The following NUMA1 variants were observed in gnomAD, a reference collection of about 807,000 sequenced individuals.
The protein encoded by NUMA1 is nuclear mitotic apparatus protein 1.
Under a neutral mutation model 237.1 loss-of-function variants are expected in NUMA1, and 62 were observed. The ratio of observed to expected loss-of-function variants is 0.26; its 90% CI spans 0.21 to 0.32. NUMA1 has a LOEUF of 0.32. Among genes scored for constraint, NUMA1 ranks in the 10% least tolerant of loss-of-function variants. NUMA1 has a pLI of 1.00. For synonymous variants in NUMA1, 1,028 were observed against 1,066.1 expected, an observed-to-expected ratio of 0.96 and a Z score of 0.70; for missense variants, 2,533 against 2,666.5, an observed-to-expected ratio of 0.95 and a Z score of 1.10.
rs187942922 is a variant in NUMA1, at chr11:72,013,497, A to G, written c.4006T>C (p.Phe1336Leu). 1 of 1,613,132 alleles carries G rather than the reference A, an allele frequency of 6.2e-7. No individual in the cohort carries two copies. ...GAGAGGGCCTGCTCTTTCTGGAAGAACTTCTCCTGCCACGCCTTCAATTCT... is the reference window on the plus strand; with the variant it reads ...GAGAGGGCCTGCTCTTTCTGGAAGAGCTTCTCCTGCCACGCCTTCAATTCT... ...GQELKAWQEK[F>L]FQKEQALSTL... Residue 1336 changes from phenylalanine (F) to leucine (L), a missense_variant, in exon 15 of 27, where the codon TTC (phenylalanine) becomes CTC (leucine). Physicochemically the swap from Phe to Leu is conservative, Grantham distance 22 (BLOSUM62 0). Coordinates refer to ENST00000393695, the MANE Select transcript of NUMA1 (RefSeq NM_006185.4). This position sits in a 1 kb window ranked among gnomAD's most constrained non-coding sequence, Gnocchi z 6.8.
chr11:72,021,103 G>T (rs1026456017), intron 8 of NUMA1, 101 bp downstream of exon 8: 1 of 927,272 alleles, frequency 1.1e-6, no homozygotes. Context: ...TCTGCCTTGT[G>T]TTGGGGACAG....
In NUMA1 at chr11:72,007,298, G is replaced by A; in HGVS notation, c.5354C>T (p.Pro1785Leu). ...FTPIPARSQA[P>L]LESSLDSLGD... is the part of the protein sequence containing the mutation. Reference sequence around the variant, plus strand: ...CAGGGAGTCCAGGCTGCTCTCCAGGGGGGCCTGACTCCGAGCAGGGATGGG... The same window carrying A: ...CAGGGAGTCCAGGCTGCTCTCCAGGAGGGCCTGACTCCGAGCAGGGATGGG... Residue 1785 changes from proline (P) to leucine (L), a missense_variant, in exon 21 of 27, where the codon CCC becomes CTC. By Grantham distance (98) the Pro-to-Leu change is moderately conservative. Around this residue, in one of 3 missense-constraint regions of NUMA1, gnomAD observed 795 missense variants for 750.8 expected, o/e 1.06. Coordinates refer to ENST00000393695, the MANE Select transcript of NUMA1 (RefSeq NM_006185.4). 1 of 1,613,390 alleles carries A rather than the reference G, an allele frequency of 6.2e-7. No homozygotes were observed. The highest frequency in any genetic ancestry group is 8.5e-7 in the Non-Finnish European group (1 of 1,179,776).
chr11:72,007,217 G>A lies in NUMA1; in HGVS notation c.5435C>T (p.Thr1812Met), dbSNP rs756247990. 12 of 1,611,432 alleles carry A rather than the reference G, an allele frequency of 7.4e-6. No homozygotes were observed. The highest frequency in any genetic ancestry group is 3.3e-5 in the Admixed American group (2 of 59,994). The change falls in exon 21 of 27, where the codon ACG becomes ATG. Residue 1812 changes from threonine to methionine, a missense_variant. By Grantham distance (81) the Thr-to-Met change is moderately conservative (BLOSUM62 -1). Coordinates refer to ENST00000393695, the MANE Select transcript of NUMA1 (RefSeq NM_006185.4). ...RKTRSARRRTTQIINITMTKK... is the reference protein window; with the variant it reads ...RKTRSARRRTMQIINITMTKK... The stretch of plus-strand genomic sequence containing the variant: ...GGTCATGGTGATGTTGATGATCTGC[G>A]TGGTGCGCCGACGAGCGGAGCGGGT...
chr11:72,040,273 A>T (rs1941506043), intron 2 of NUMA1, among the ~76,000 whole-genome samples: 1 of 152,088 alleles, frequency 6.6e-6, no homozygotes, highest in African/African-American at 2.4e-5. Context: ...CAAGGGAGGG[A>T]TTACAGAGGA....
Position 72,007,418 on chromosome 11 carries a change from T to G in NUMA1, c.5234A>C (p.Gln1745Pro), listed in dbSNP as rs776975644. 1 of 1,613,640 alleles carries G rather than the reference T, an allele frequency of 6.2e-7. No homozygotes were observed. Among genetic ancestry groups the G allele is most frequent in the South Asian group, 1.1e-5 (1 of 91,078 alleles). ...LSITSKLPRT[Q>P]PDGTSVPGEP... ...TCCAGGGACGCTGGTGCCGTCTGGC[T>G]GGGTACGAGGCAGCTTGCTATGGAA... Residue 1745 changes from glutamine to proline, a missense_variant, in exon 21 of 27, where the codon CAG (glutamine) becomes CCG (proline). Gln to Pro is a moderately conservative substitution (Grantham distance 76). Transcript: ENST00000393695.
At chr11:72,073,068 A>G (rs948397811) in intron 1 of NUMA1, among the ~76,000 whole-genome samples, 26 of 145,710 alleles carry the variant, frequency 1.8e-4, no homozygotes, top group African/African-American at 6.7e-4. Flanking sequence ...AAAAAAAAAA[A>G]GCTGCCTAGG....
chr11:72,070,820 C>T (rs1022269880), intron 1 of NUMA1, among the ~76,000 whole-genome samples: 10 of 152,158 alleles, frequency 6.6e-5, no homozygotes, highest in East Asian at 1.9e-4. Flanking sequence ...ATCTAGGAAA[C>T]GCTGCACCCC....
At chr11:72,059,535 C>T (rs1591062328) in intron 2 of NUMA1, among the ~76,000 whole-genome samples, 1 of 152,204 alleles carries the variant, frequency 6.6e-6, no homozygotes, top group Non-Finnish European at 1.5e-5. Context: ...TCCCAAAGTG[C>T]TGGGATTACA....
chr11:72,077,533 A>G (rs1213826010), intron 1 of NUMA1, among the ~76,000 whole-genome samples: 2 of 152,196 alleles, frequency 1.3e-5, no homozygotes, highest in Admixed American at 6.5e-5. Context: ...ACTGAAAGTG[A>G]GCTGGGCACA....
chr11:72,014,530 G>A lies in NUMA1; in HGVS notation c.2973C>T (p.Ser991=). ...LERLRAALME[S]QGQQQEERGQ... ...CACGCTCCTCCTGCTGCTGCCCCTGGCTCTCCATCAGCGCGGCCCGCAGCC... is the reference window on the plus strand; with the variant it reads ...CACGCTCCTCCTGCTGCTGCCCCTGACTCTCCATCAGCGCGGCCCGCAGCC... The change falls in exon 15 of 27, where the codon AGC becomes AGT. Residue 991 remains serine (S), a synonymous_variant. Transcript: ENST00000393695. The surrounding 1 kb of genome is among the most constrained non-coding windows in gnomAD (Gnocchi z 4.6). 1.2e-6 allele frequency: 2 copies of A among 1,602,062 alleles called. No homozygotes were observed. Among genetic ancestry groups the A allele is most frequent in the South Asian group, 1.1e-5 (1 of 91,074 alleles).
intron 2 of NUMA1, among the ~76,000 whole-genome samples, chr11:72,043,727 C>A (rs1264297192): frequency 4.6e-5 from 7 of 152,082 alleles, no homozygotes; most frequent in Non-Finnish European, 8.8e-5. Context: ...TCATTGGCTA[C>A]AGTTTATAAT....
At position 72,017,781 on chromosome 11, in the gene NUMA1, T is replaced by C. The variant is rs371150785; in HGVS notation, c.1025A>G (p.Asn342Ser). 5.6e-5 allele frequency: 90 copies of C among 1,612,248 alleles called. No individual in the cohort carries two copies. In the African/African-American group the frequency reaches 6.3e-4, roughly 11 times the overall value. Residue 342 changes from asparagine (N) to serine (S), a missense_variant, in exon 13 of 27, where the codon AAT (asparagine) becomes AGT (serine). Around this residue, in one of 3 missense-constraint regions of NUMA1, gnomAD observed 1,414 missense variants for 1,508.1 expected, o/e 0.94. Transcript: ENST00000393695. ...SHLQQLQDAL[N>S]ELTEEHSKAT... ...CTTGCTGTGCTCCTCCGTCAGCTCA[T>C]TGAGGGCATCCTGTAGCTGCTGCAG...
Position 72,015,131 on chromosome 11 carries a change from T to A in NUMA1, c.2372A>T (p.Glu791Val). The A allele has an allele frequency of 6.2e-7, 1 of 1,613,476 alleles. No individual in the cohort carries two copies. The highest frequency in any genetic ancestry group is 8.5e-7 in the Non-Finnish European group (1 of 1,180,034). ...AGCTGTGTGCTGGGCAGCCATGGCCTCTGCCAGCTCCCGCCGCAGGACTTC... is the reference window on the plus strand; with the variant it reads ...AGCTGTGTGCTGGGCAGCCATGGCCACTGCCAGCTCCCGCCGCAGGACTTC... Reference protein sequence around the residue: ...ETEVLRRELAEAMAAQHTAES... With the variant: ...ETEVLRRELAVAMAAQHTAES... The change falls in exon 15 of 27, where the codon GAG (glutamate) becomes GTG (valine). Residue 791 changes from glutamate (E) to valine (V), a missense_variant. By Grantham distance (121) the Glu-to-Val change is moderately radical. Coordinates refer to ENST00000393695, the MANE Select transcript of NUMA1 (RefSeq NM_006185.4). The surrounding 1 kb of genome is among the most constrained non-coding windows in gnomAD (Gnocchi z 4.0).
In NUMA1 at chr11:72,018,216, C is replaced by T. The variant is rs954204095; in HGVS notation, c.945G>A (p.Gln315=). 1 of 1,614,020 alleles carries T rather than the reference C, an allele frequency of 6.2e-7. No homozygotes were observed. The highest frequency in any genetic ancestry group is 1.3e-5 in the African/African-American group (1 of 74,932). ...AAAGGTCTCCATTCTCCTCCGAAAG[C>T]TGGTTGATTTTGCGATCCATCTGGC... ...EKSQMDRKIN[Q]LSEENGDLSF... The change falls in exon 12 of 27, where the codon CAG becomes CAA. Residue 315 remains glutamine (Q), a synonymous_variant. Coordinates refer to ENST00000393695, the MANE Select transcript of NUMA1 (RefSeq NM_006185.4).
intron 2 of NUMA1, among the ~76,000 whole-genome samples, chr11:72,053,695 C>T (rs1317204686): frequency 6.6e-6 from 1 of 152,158 alleles, no homozygotes; most frequent in African/African-American, 2.4e-5. Flanking sequence ...AATAAAGATG[C>T]AACAATAGCT....
rs1939776492 is a variant in NUMA1, at chr11:72,027,824, G to A, written c.128+1381C>T. Among the ~76,000 whole-genome samples the A allele has an allele frequency of 3.9e-5, 6 of 152,216 alleles. No individual in the cohort carries two copies. In the South Asian group the frequency reaches 1.2e-3, roughly 32 times the overall value. On this transcript the variant is annotated intron_variant, in intron 4 of 26. Coordinates refer to ENST00000393695, the MANE Select transcript of NUMA1 (RefSeq NM_006185.4). ...AGAAGAACTAGGCCATGAGGGCCTA[G>A]TATCCAGAATGAGGCAGAGGGAGGG... is the stretch of plus-strand genomic sequence containing the variant.
At chr11:72,028,928 A>C (rs1470214645) in intron 4 of NUMA1, among the ~76,000 whole-genome samples, 2 of 152,208 alleles carry the variant, frequency 1.3e-5, no homozygotes, top group Non-Finnish European at 2.9e-5. Context: ...GAGCACTTGG[A>C]AGAATGTGAG....
chr11:72,075,240 G>C (rs1943656644), intron 1 of NUMA1, among the ~76,000 whole-genome samples: 1 of 152,024 alleles, frequency 6.6e-6, no homozygotes, highest in South Asian at 2.1e-4. Flanking sequence ...TGTGATGCTG[G>C]GGCCTGGACT....
intron 4 of NUMA1, among the ~76,000 whole-genome samples, chr11:72,026,380 G>T (rs1939586814): frequency 6.6e-6 from 1 of 152,258 alleles, no homozygotes; most frequent in African/African-American, 2.4e-5. Flanking sequence ...ACAACTGAGG[G>T]ATGCTTTTTA....
Sources: gnomAD v4.1 joint callset for allele counts (sites outside exome capture counted in the v4.1 genomes callset) on GRCh38, gnomAD v4.1.1 for gene constraint, gnomAD v4.1.1 regional missense constraint, Gnocchi (gnomAD v3.1) non-coding constraint, MANE v1.5 for transcripts, NCBI Gene and HGNC (gene_info 2026-07-23, HGNC 2026-07-21) for gene names.